The following PTPRD variants were observed in gnomAD, a reference collection of about 807,000 sequenced individuals.
PTPRD encodes protein tyrosine phosphatase receptor type D, also known as receptor-type tyrosine-protein phosphatase delta.
Under a neutral mutation model 214.5 loss-of-function variants are expected in PTPRD, and 34 were observed. That is an observed-to-expected ratio of 0.16 (90% confidence interval 0.12 to 0.21). The LOEUF (loss-of-function observed/expected upper bound fraction) is 0.21, where lower values mean the gene tolerates loss of function less well. PTPRD is among the 10% of genes least tolerant of loss of function. The pLI is 1.00. For synonymous variants in PTPRD, 1,128 were observed against 845.7 expected (o/e 1.33, Z -5.79); for missense variants, 2,545 against 2,398.7 (o/e 1.06, Z -1.27).
chr9:8,543,633 A>G (rs2079057785), intron 14 of PTPRD, among the ~76,000 whole-genome samples: 1 of 152,210 alleles, frequency 6.6e-6, no homozygotes, highest in South Asian at 2.1e-4. Context: ...ACATGGGCAC[A>G]TGTTGTCATT....
chr9:9,438,713 G>A (rs117619936), intron 8 of PTPRD, among the ~76,000 whole-genome samples: 3 of 152,088 alleles, frequency 2.0e-5, no homozygotes, highest in Non-Finnish European at 4.4e-5. Context: ...TATCTTTACA[G>A]TTCTTCCAAA....
At chr9:8,387,309 C>T (rs1190369686) in intron 37 of PTPRD, among the ~76,000 whole-genome samples, 1 of 152,092 alleles carries the variant, frequency 6.6e-6, no homozygotes, top group Non-Finnish European at 1.5e-5. Context: ...TGCCTTCCGC[C>T]AAGAACTGCT....
At chr9:8,895,052 T>C (rs530836232) in intron 11 of PTPRD, among the ~76,000 whole-genome samples, 1 of 152,370 alleles carries the variant, frequency 6.6e-6, no homozygotes, top group Admixed American at 6.5e-5. Flanking sequence ...CTTTTTACTT[T>C]GGAAACTGAT....
intron 3 of PTPRD, among the ~76,000 whole-genome samples, chr9:10,243,003 C>G (rs573795727): frequency 1.3e-5 from 2 of 151,918 alleles, no homozygotes; most frequent in South Asian, 4.1e-4. Flanking sequence ...AAAGTTTTAA[C>G]AGTTCATACA....
chr9:9,868,042 G>A (rs770250255), intron 5 of PTPRD, among the ~76,000 whole-genome samples: 6 of 152,188 alleles, frequency 3.9e-5, no homozygotes, highest in Non-Finnish European at 5.9e-5. Context: ...TAGGAAAAAC[G>A]GCCTTCTCCT....
chr9:8,619,766 T>C (rs969587943), intron 14 of PTPRD, among the ~76,000 whole-genome samples: 2 of 151,944 alleles, frequency 1.3e-5, no homozygotes, highest in African/African-American at 4.8e-5. Context: ...AGGTATCTTT[T>C]ACACATCTTC....
Position 10,537,917 on chromosome 9 carries a change from C to A in PTPRD, c.-600+74481G>T, listed in dbSNP as rs1234920766. Among the ~76,000 whole-genome samples the A allele has an allele frequency of 3.9e-5, 6 of 152,030 alleles. No homozygotes were observed. In the South Asian group the frequency reaches 1.2e-3, roughly 31 times the overall value. ...GTTAAGAATGCAGATTCTCAGGCCCCAACCCAGTCGAACTGAATTAGAAAT... is the reference window on the plus strand; with the variant it reads ...GTTAAGAATGCAGATTCTCAGGCCCAAACCCAGTCGAACTGAATTAGAAAT... On this transcript the variant is annotated intron_variant, in intron 2 of 45. Coordinates refer to ENST00000381196, the MANE Select transcript of PTPRD (RefSeq NM_002839.4).
At chr9:9,695,523 G>A (rs1386202624) in intron 7 of PTPRD, among the ~76,000 whole-genome samples, 13 of 152,124 alleles carry the variant, frequency 8.5e-5, no homozygotes, top group Non-Finnish European at 2.9e-5. Context: ...AATAGGAATT[G>A]CAGTCCTTGT....
At chr9:9,818,669 G>C (rs1271892418) in intron 5 of PTPRD, among the ~76,000 whole-genome samples, 1 of 152,014 alleles carries the variant, frequency 6.6e-6, no homozygotes, top group East Asian at 1.9e-4. Context: ...TGTAATCCCA[G>C]CACTTTGGGA....
chr9:9,882,954 C>A lies in PTPRD; in HGVS notation c.-368+55553G>T, dbSNP rs74375889. Among the ~76,000 whole-genome samples the A allele has an allele frequency of 5.9e-3, 892 of 152,158 alleles. 11 individuals carry two copies. Among genetic ancestry groups the A allele is most frequent in the African/African-American group, 0.02 (836 of 41,514 alleles). ...CTGAAACCTCCCTTCTCTCTTTCTC[C>A]CTCACTGGCCATGTGATGGTCTGGC... On this transcript the variant is annotated intron_variant, in intron 5 of 45. Coordinates refer to ENST00000381196, the MANE Select transcript of PTPRD (RefSeq NM_002839.4).
At chr9:8,343,288 G>C (rs1854294713) in intron 39 of PTPRD, among the ~76,000 whole-genome samples, 1 of 151,992 alleles carries the variant, frequency 6.6e-6, no homozygotes. Context: ...TTTAAAATAG[G>C]TTACTTTTTT....
intron 7 of PTPRD, among the ~76,000 whole-genome samples, chr9:9,653,327 C>T (rs559388884): frequency 5.4e-5 from 6 of 110,802 alleles, no homozygotes; most frequent in Admixed American, 4.1e-4. Flanking sequence ...CCGGCCTGGG[C>T]GACAGAGCGA....
At chr9:10,238,304 C>A (rs776095527) in intron 3 of PTPRD, among the ~76,000 whole-genome samples, 6 of 151,854 alleles carry the variant, frequency 4.0e-5, no homozygotes, top group Non-Finnish European at 7.4e-5. Flanking sequence ...ACTGAGACAA[C>A]CTACTAGGAC....
At chr9:9,811,275 A>G (rs2153541705) in intron 5 of PTPRD, among the ~76,000 whole-genome samples, 1 of 152,326 alleles carries the variant, frequency 6.6e-6, no homozygotes, top group Admixed American at 6.5e-5. Context: ...AGGGTTCAGG[A>G]ACGCAGTGAA....
intron 2 of PTPRD, among the ~76,000 whole-genome samples, chr9:10,579,040 A>C (rs2070703312): frequency 6.6e-6 from 1 of 151,978 alleles, no homozygotes; most frequent in Non-Finnish European, 1.5e-5. Flanking sequence ...CCCCACATGC[A>C]TTAGGTATTT....
chr9:8,601,021 C>T (rs186962636), intron 14 of PTPRD, among the ~76,000 whole-genome samples: 179 of 152,208 alleles, frequency 1.2e-3, no homozygotes, highest in African/African-American at 4.2e-3. Context: ...AAGAGCTGAT[C>T]GCCTTGAAGG....
intron 30 of PTPRD, among the ~76,000 whole-genome samples, chr9:8,474,553 A>C (rs1022086737): frequency 6.6e-6 from 1 of 152,154 alleles, no homozygotes; most frequent in Non-Finnish European, 1.5e-5. Context: ...ATAAATTCAT[A>C]ATCAGCAACC....
At chr9:8,550,181 T>G (rs921874009) in intron 14 of PTPRD, among the ~76,000 whole-genome samples, 1 of 152,178 alleles carries the variant, frequency 6.6e-6, no homozygotes, top group Non-Finnish European at 1.5e-5. Flanking sequence ...CATGTTCTAT[T>G]GGCTTATGAT....
chr9:9,209,029 C>G (rs549192079), intron 9 of PTPRD, among the ~76,000 whole-genome samples: 2 of 151,930 alleles, frequency 1.3e-5, no homozygotes, highest in Admixed American at 6.6e-5. Context: ...AGGATGGTCT[C>G]GATCTCCTGA....
Sources: allele counts gnomAD v4.1 joint callset (sites outside exome capture counted in the v4.1 genomes callset), GRCh38; gene constraint gnomAD v4.1.1; transcripts MANE v1.5; gene names NCBI Gene and HGNC (gene_info 2026-07-23, HGNC 2026-07-21).